The following GPRC5D variants were observed in gnomAD, a reference collection of about 807,000 sequenced individuals.
GPRC5D encodes the protein G protein-coupled receptor family C group 5 member D.
A neutral mutation model predicts 29.3 loss-of-function variants in GPRC5D; 20 were observed. That is an observed-to-expected ratio of 0.68 (90% CI 0.48 to 0.99). GPRC5D has a LOEUF of 0.99. Ranked by LOEUF, GPRC5D falls within the 50% of genes least tolerant of loss-of-function variation. The probability of loss-of-function intolerance (pLI) is 0.00; values close to 1 mark genes in which losing one functional copy is unlikely to be tolerated. For synonymous variants in GPRC5D, 178 were observed against 171.3 expected (o/e 1.04, Z -0.30); for missense variants, 384 against 423.6 (o/e 0.91, Z 0.82).
rs1465206136 is a variant in GPRC5D at position 12,942,254 on chromosome 12, C to A, written c.963+7G>T. 3.8e-6 allele frequency: 6 copies of A among 1,578,100 alleles called. No individual in the cohort carries two copies. Among genetic ancestry groups the A allele is most frequent in the Admixed American group, 3.3e-5 (2 of 59,948 alleles). ...CCTCCTGGGTGAATATAGGCGAGTA[C>A]ATTTACCTGCGGCTGAATGGGAGTA... On this transcript the variant is annotated splice_region_variant and intron_variant, in intron 2 of 2. Coordinates refer to ENST00000228887, the Ensembl canonical transcript of GPRC5D.
At chr12:12,943,357 A>G (rs1863200776) in intron 1 of GPRC5D, among the ~76,000 whole-genome samples, 1 of 152,216 alleles carries the variant, frequency 6.6e-6, no homozygotes, top group Admixed American at 6.5e-5. Flanking sequence ...TGGACCCTGG[A>G]AAAGGACTGC....
At chr12:12,944,903 T>TTC (rs1260234652) in intron 1 of GPRC5D, among the ~76,000 whole-genome samples, 2 of 79,344 alleles carry the variant, frequency 2.5e-5, no homozygotes, top group South Asian at 6.5e-4. Flanking sequence ...CTTTCTTTCT[T>TTC]TCTCTCCCTT....
At chr12:12,942,672 T>C (rs1863184040) in intron 1 of GPRC5D, among the ~76,000 whole-genome samples, 2 of 152,028 alleles carry the variant, frequency 1.3e-5, no homozygotes. Context: ...GAGGCGGAGG[T>C]TGCAGTGAGC....
chr12:12,946,225 G>A (rs1182766249), intron 1 of GPRC5D, among the ~76,000 whole-genome samples: 1 of 151,926 alleles, frequency 6.6e-6, no homozygotes, highest in Non-Finnish European at 1.5e-5. Flanking sequence ...ACCGCCTCTT[G>A]GGGAGAGGTC....
At chr12:12,946,319 T>C (rs1863330253) in intron 1 of GPRC5D, among the ~76,000 whole-genome samples, 2 of 145,128 alleles carry the variant, frequency 1.4e-5, no homozygotes, top group African/African-American at 5.2e-5. Context: ...TTTTCTTTCT[T>C]TCTTTCTTTC....
At chr12:12,946,191 T>G (rs1469899800) in intron 1 of GPRC5D, among the ~76,000 whole-genome samples, 2 of 152,180 alleles carry the variant, frequency 1.3e-5, no homozygotes, top group Non-Finnish European at 2.9e-5. Context: ...CTATCTTTAG[T>G]TGGAGATGGA....
chr12:12,944,107 C>T lies in GPRC5D; in HGVS notation c.896-1779G>A, dbSNP rs1044145147. Among the ~76,000 whole-genome samples the T allele has an allele frequency of 5.3e-5, 8 of 152,210 alleles. No individual in the cohort carries two copies. In the East Asian group the frequency reaches 9.7e-4, roughly 18 times the overall value. ...GCCCTTTGCTGCCCAATTATGCTCT[C>T]ACTCCCTGAATTTGTTTTTTTAAAT... On this transcript the variant is annotated intron_variant, in intron 1 of 2. Transcript: ENST00000228887.
At chr12:12,941,091 A>G (rs1424493400) in intron 2 of GPRC5D, among the ~76,000 whole-genome samples, 2 of 152,144 alleles carry the variant, frequency 1.3e-5, no homozygotes, top group Non-Finnish European at 2.9e-5. Flanking sequence ...TTGTAGTTTT[A>G]GTAGAGATGG....
intron 1 of GPRC5D, among the ~76,000 whole-genome samples, chr12:12,947,920 G>T (rs555886345): frequency 6.6e-6 from 1 of 152,254 alleles, no homozygotes; most frequent in African/African-American, 2.4e-5. Flanking sequence ...TTACATTGAT[G>T]ATGGCTATCA....
At chr12:12,949,407 C>T in intron 1 of GPRC5D, 83 bp downstream of exon 2, 1 of 1,220,422 alleles carries the variant, frequency 8.2e-7, no homozygotes, top group Non-Finnish European at 1.2e-6. Context: ...TTAGTTTCCT[C>T]TTGGCTCATC....
chr12:12,942,472 C>T (rs996268117), intron 1 of GPRC5D, 144 bp from the exon 3 acceptor site: 12 of 615,764 alleles, frequency 1.9e-5, no homozygotes, highest in South Asian at 5.8e-5. Flanking sequence ...CGGTGGCTCA[C>T]GCCTGTAATC....
At chr12:12,950,262 G>T (rs150759739) in exon 1 of GPRC5D, 1 of 1,614,002 alleles carries the variant, frequency 6.2e-7, no homozygotes, top group East Asian at 2.2e-5. Context: ...GAAATGCTAA[G>T]AGTAGCAGAA....
chr12:12,940,847 A>G lies in GPRC5D; in HGVS notation c.966T>C (p.Thr322=), dbSNP rs764949725. 6 of 1,588,480 alleles carry G rather than the reference A, an allele frequency of 3.8e-6. No homozygotes were observed. In the South Asian group the frequency reaches 4.4e-5, roughly 12 times the overall value. The stretch of plus-strand genomic sequence containing the variant: ...TGAAACACTCTTGTGTGGGATCAAC[A>G]GTCTGGAAAGGAAGAAATGCCATCA... Residue 322 remains threonine (T), a splice_region_variant and synonymous_variant, in exon 3 of 3, where the codon ACT becomes ACC. Coordinates refer to ENST00000228887, the Ensembl canonical transcript of GPRC5D.
chr12:12,949,428 A>T, intron 1 of GPRC5D, 62 bp downstream of exon 2: 1 of 1,430,912 alleles, frequency 7.0e-7, no homozygotes, highest in Non-Finnish European at 9.5e-7. Context: ...CTACTGCATG[A>T]TTTTTCTCCT....
chr12:12,948,144 C>CT (rs1353639383), intron 1 of GPRC5D: 11 of 151,992 alleles, frequency 7.2e-5, no homozygotes, highest in African/African-American at 2.7e-4. Context: ...TTGTGAAACT[C>CT]TAAGAATTTT....
At chr12:12,942,710 G>A (rs1176225621) in intron 1 of GPRC5D, among the ~76,000 whole-genome samples, 2 of 152,178 alleles carry the variant, frequency 1.3e-5, no homozygotes, top group Admixed American at 1.3e-4. Flanking sequence ...ATTCCAGCCT[G>A]GGTGACACAG....
intron 1 of GPRC5D, among the ~76,000 whole-genome samples, chr12:12,946,392 C>CTCTT (rs1863342526): frequency 7.7e-6 from 1 of 129,632 alleles, no homozygotes; most frequent in African/African-American, 2.8e-5. Flanking sequence ...CTCTCTTTCT[C>CTCTT]TCTCTCTCTT....
intron 1 of GPRC5D, among the ~76,000 whole-genome samples, chr12:12,944,850 CTTCTTTCTTTCTTTCTTTCTTTCT>C (rs57581481): frequency 8.7e-5 from 3 of 34,444 alleles, no homozygotes; most frequent in Admixed American, 3.9e-4. Flanking sequence ...TCCTTCCTTC[CTTCTTTCTTTCTTTCTTTCTTTCT>C]TTCTTTCTTT....
At chr12:12,946,361 CTTTCTTTTCT>C (rs1189444568) in intron 1 of GPRC5D, among the ~76,000 whole-genome samples, 6 of 143,410 alleles carry the variant, frequency 4.2e-5, no homozygotes, top group African/African-American at 1.6e-4. Context: ...TTCTTTCTTT[CTTTCTTTTCT>C]TTCTTTCTTT....
Sources: gnomAD v4.1 joint callset for allele counts (sites outside exome capture counted in the v4.1 genomes callset) on GRCh38, gnomAD v4.1.1 for gene constraint, MANE v1.5 for transcripts, NCBI Gene and HGNC (gene_info 2026-07-23, HGNC 2026-07-21) for gene names.